KHSRP: variants seen among roughly 807,000 people sequenced by gnomAD.
KHSRP encodes the protein far upstream element-binding protein 2.
Under a neutral mutation model 94.9 loss-of-function variants are expected in KHSRP, and 13 were observed. The observed-to-expected ratio is 0.14, with a 90% confidence interval of 0.09 to 0.22. KHSRP has a LOEUF of 0.22. Among genes scored for constraint, KHSRP ranks in the 10% least tolerant of loss-of-function variants. The pLI is 1.00. For missense variants in KHSRP, 710 were observed against 1,010.0 expected (o/e 0.70, Z 4.03); for synonymous variants, 495 against 401.4 (o/e 1.23, Z -2.79).
chr19:6,415,546 A>T lies in KHSRP; in HGVS notation c.1876T>A (p.Tyr626Asn). 3 of 1,539,326 alleles carry T rather than the reference A, an allele frequency of 1.9e-6. No homozygotes were observed. Among genetic ancestry groups the T allele is most frequent in the Non-Finnish European group, 2.6e-6 (3 of 1,141,654 alleles). ...CCTGCAGACTCACCGATCTTTTTGT[A>T]ATACTCTTCCCAGGCCTTAGTGTAG... Reference protein sequence around the residue: ...SDYTKAWEEYYKKIGQQPQQP... With the variant: ...SDYTKAWEEYNKKIGQQPQQP... The change falls in exon 17 of 19, where the codon TAC (tyrosine) becomes AAC (asparagine). Residue 626 changes from tyrosine (Y) to asparagine (N), a missense_variant. By Grantham distance (143) the Tyr-to-Asn change is moderately radical. Coordinates refer to ENST00000600480, the MANE Select transcript of KHSRP (RefSeq NM_001366299.1).
rs776377016 is a variant in KHSRP, at chr19:6,416,781, G to A, written c.1284C>T (p.Thr428=). The A allele has an allele frequency of 5.0e-6, 8 of 1,590,452 alleles. No homozygotes were observed. Among genetic ancestry groups the A allele is most frequent in the Non-Finnish European group, 6.0e-6 (7 of 1,167,488 alleles). The part of the protein sequence containing the change: ...GNWGPPGGEM[T]FSIPTHKCGL... ...CACACTTGTGAGTGGGGATGGAGAAGGTCATCTCCCCGCCAGGGGGACCCC... is the reference window on the plus strand; with the variant it reads ...CACACTTGTGAGTGGGGATGGAGAAAGTCATCTCCCCGCCAGGGGGACCCC... The change falls in exon 13 of 19, where the codon ACC becomes ACT. Residue 428 remains threonine, a synonymous_variant. Coordinates refer to ENST00000600480, the MANE Select transcript of KHSRP (RefSeq NM_001366299.1).
chr19:6,419,986 A>C, intron 6 of KHSRP, 87 bp downstream of exon 6: 1 of 1,016,824 alleles, frequency 9.8e-7, no homozygotes, highest in Non-Finnish European at 1.5e-6. Context: ...TCCTGTCCAC[A>C]GTCCCCGTGG....
At chr19:6,416,676 G>A in intron 13 of KHSRP, 26 bp from the exon 14 acceptor site, 1 of 1,613,638 alleles carries the variant, frequency 6.2e-7, no homozygotes, top group South Asian at 1.1e-5. Flanking sequence ...AGGTGAAGGT[G>A]GCCTGCAGTG....
In KHSRP at chr19:6,414,860, G is replaced by A. The variant is rs1365761021; in HGVS notation, c.*164C>T. On this transcript the variant is annotated 3_prime_UTR_variant, in exon 19 of 19. Coordinates refer to ENST00000600480, the MANE Select transcript of KHSRP (RefSeq NM_001366299.1). ...GACTCCCCAGCAGTTCAGAAGTCCC[G>A]CCTGCGAGTCTCAGCGCTCCCCAGC... 3.0e-5 allele frequency: 39 copies of A among 1,297,146 alleles called. No homozygotes were observed. Among genetic ancestry groups the A allele is most frequent in the Non-Finnish European group, 3.7e-5 (38 of 1,023,178 alleles). 80.4% of individuals were successfully genotyped at this position (1,297,146 alleles called of 1,614,324 possible).
rs35757137 is a variant in KHSRP, at chr19:6,413,825, G to GTT, written c.*1197_*1198dup. 1.3e-3 allele frequency: 204 copies of GTT among 159,448 alleles called. No homozygotes were observed. The highest frequency in any genetic ancestry group is 6.9e-3 in the Middle Eastern group (3 of 434). The allele number at this position is 159,448 out of a possible 1,614,324, so 9.9% of individuals were successfully genotyped here. ...TGCTCTTTGTGTTTTTAATTTTTAA[G>GTT]TTTTTTTTTTTTTTTGGCAGAGATT... is the stretch of plus-strand genomic sequence containing the variant. On this transcript the variant is annotated 3_prime_UTR_variant, in exon 19 of 19. Coordinates refer to ENST00000600480, the MANE Select transcript of KHSRP (RefSeq NM_001366299.1).
Position 6,417,982 on chromosome 19 carries a change from T to C in KHSRP, c.977A>G (p.Asp326Gly). The C allele has an allele frequency of 6.2e-7, 1 of 1,613,714 alleles. No individual in the cohort carries two copies. Among genetic ancestry groups the C allele is most frequent in the Non-Finnish European group, 8.5e-7 (1 of 1,179,734 alleles). The change falls in exon 10 of 19, where the codon GAT (aspartate) becomes GGT (glycine). Residue 326 changes from aspartate to glycine, a missense_variant and splice_region_variant. Transcript: ENST00000600480. ...EYGSRIGGGI[D>G]VPVPRHSVGV... is the part of the protein sequence containing the mutation. The stretch of plus-strand genomic sequence containing the variant: ...GGTGAAGGCAGGGCCCACACTCACA[T>C]CGATGCCTCCGCCAATCCGAGATCC...
chr19:6,420,350 C>T (rs1336151041), intron 5 of KHSRP, 72 bp downstream of exon 5: 2 of 1,473,746 alleles, frequency 1.4e-6, no homozygotes, highest in East Asian at 4.6e-5. Flanking sequence ...GGCTTCTGGG[C>T]TGGCAGGAGC....
rs1005429386 is a variant in KHSRP, at chr19:6,420,218, C to G, written c.476-74G>C. The G allele has an allele frequency of 4.1e-5, 58 of 1,426,680 alleles. No homozygotes were observed. The African/African-American group carries it at 7.1e-4, about 17-fold the overall frequency. 88.4% of individuals were successfully genotyped at this position (1,426,680 alleles called of 1,614,324 possible). Reference sequence around the variant, plus strand: ...CCCAGGCCTCAGGAGACTGTGTGGCCGGGGCCCCAGCCCCTCTGACGTTCA... The same window carrying G: ...CCCAGGCCTCAGGAGACTGTGTGGCGGGGGCCCCAGCCCCTCTGACGTTCA... On this transcript the variant is annotated intron_variant, in intron 5 of 18. Coordinates refer to ENST00000600480, the MANE Select transcript of KHSRP (RefSeq NM_001366299.1).
At position 6,421,702 on chromosome 19, in the gene KHSRP, A is replaced by AGT. The variant is rs777767150; in HGVS notation, c.347-15_347-14insAC. On this transcript the variant is annotated splice_polypyrimidine_tract_variant and intron_variant, in intron 2 of 18. Coordinates refer to ENST00000600480, the MANE Select transcript of KHSRP (RefSeq NM_001366299.1). ...TCTCCGGTTGATCTGGGAAAGAGAG[A>AGT]GGATGGCAGATGCAGCACCCACCCA... is the stretch of plus-strand genomic sequence containing the variant. 5 of 1,613,690 alleles carry AGT rather than the reference A, an allele frequency of 3.1e-6. No homozygotes were observed. Among genetic ancestry groups the AGT allele is most frequent in the Non-Finnish European group, 4.2e-6 (5 of 1,179,806 alleles).
chr19:6,420,845 C>G (rs1038125949), intron 4 of KHSRP, among the ~76,000 whole-genome samples: 3 of 152,226 alleles, frequency 2.0e-5, no homozygotes, highest in African/African-American at 7.2e-5. Flanking sequence ...GACAACTGCC[C>G]TGTGTCAGGT....
At chr19:6,417,480 G>A (rs1367954695) in intron 11 of KHSRP, among the ~76,000 whole-genome samples, 1 of 152,216 alleles carries the variant, frequency 6.6e-6, no homozygotes, top group Non-Finnish European at 1.5e-5. Flanking sequence ...GGGCTGTCCT[G>A]TCAGGATAGG....
Position 6,413,149 on chromosome 19 carries a change from G to GT in KHSRP, c.*1874_*1875insA, listed in dbSNP as rs1278626285. ...TTATTTAACAAAAAAAAAAAAGGGG[G>GT]GGGGGCACGGTTAGGAAAGCACATT... On this transcript the variant is annotated 3_prime_UTR_variant, in exon 19 of 19. Transcript: ENST00000600480. 2.1e-5 allele frequency among the ~76,000 whole-genome samples: 3 copies of GT among 146,152 alleles called. No individual in the cohort carries two copies. In the East Asian group the frequency reaches 6.3e-4, roughly 31 times the overall value.
Position 6,420,513 on chromosome 19 carries a change from G to A in KHSRP, c.426-42C>T, listed in dbSNP as rs372413548. ...CAAAGGTCAGTCCTCAAGTGGGAAGGGAGGAGGACAGCAGCTCTGGAAGGT... is the reference window on the plus strand; with the variant it reads ...CAAAGGTCAGTCCTCAAGTGGGAAGAGAGGAGGACAGCAGCTCTGGAAGGT... On this transcript the variant is annotated intron_variant, in intron 4 of 18. Transcript: ENST00000600480. 7.1e-5 allele frequency: 112 copies of A among 1,584,330 alleles called. 1 individual carries two copies. In the Middle Eastern group the frequency reaches 1.0e-3, roughly 14 times the overall value.
In KHSRP at chr19:6,418,376, G is replaced by A. The variant is rs1014018976; in HGVS notation, c.879+107C>T. 3 of 808,156 alleles carry A rather than the reference G, an allele frequency of 3.7e-6. No individual in the cohort carries two copies. Among genetic ancestry groups the A allele is most frequent in the Admixed American group, 2.2e-5 (1 of 45,964 alleles). The allele number at this position is 808,156 out of a possible 1,614,324, so 50.1% of individuals were successfully genotyped here. ...TTGCAAGCCTCTTGGTGTTATGACC[G>A]ACTGTTCACATATCTCTCTGGCGGA... On this transcript the variant is annotated intron_variant, in intron 9 of 18. Coordinates refer to ENST00000600480, the MANE Select transcript of KHSRP (RefSeq NM_001366299.1). This position sits in a 1 kb window ranked among gnomAD's most constrained non-coding sequence, Gnocchi z 4.3.
At chr19:6,419,091 G>A (rs2092177563) in intron 7 of KHSRP, 112 bp downstream of exon 7, 3 of 1,194,330 alleles carry the variant, frequency 2.5e-6, no homozygotes, top group East Asian at 2.6e-5. Flanking sequence ...TGGAGATGGG[G>A]GCAAGAATGG....
intron 11 of KHSRP, 26 bp downstream of exon 11, chr19:6,417,712 CA>C: frequency 6.3e-7 from 1 of 1,597,820 alleles, no homozygotes. Flanking sequence ...GTGCACTGGC[CA>C]GGGGCAGGGT....
chr19:6,423,614 C>T (rs749184307), intron 1 of KHSRP, among the ~76,000 whole-genome samples: 10 of 152,194 alleles, frequency 6.6e-5, no homozygotes, highest in African/African-American at 2.2e-4. Flanking sequence ...GTGAGAGAGA[C>T]GACAGAGGGC....
rs538795278 is a variant in KHSRP at position 6,416,194 on chromosome 19, G to GC, written c.1598+103dup. 58 of 926,064 alleles carry GC rather than the reference G, an allele frequency of 6.3e-5. No individual in the cohort carries two copies. In the African/African-American group the frequency reaches 7.7e-4, roughly 12 times the overall value. 57.4% of individuals were successfully genotyped at this position (926,064 alleles called of 1,614,324 possible). ...TATCCACAAAAATGGGCTGGATGAG[G>GC]CCCCCCGCCTGCACTTCTAGGGAAA... On this transcript the variant is annotated intron_variant, in intron 15 of 18. Transcript: ENST00000600480.
Position 6,416,609 on chromosome 19 carries a change from A to T in KHSRP, c.1369T>A (p.Phe457Ile). ...GGCAGCTGCCGGGAGATCTCTACGA[A>T]GGCTCCCGTCTGCTGGTTTATGGCT... ...VKAINQQTGAFVEISRQLPPN... is the reference protein window; with the variant it reads ...VKAINQQTGAIVEISRQLPPN... The change falls in exon 14 of 19, where the codon TTC becomes ATC. Residue 457 changes from phenylalanine to isoleucine, a missense_variant. By Grantham distance (21) the Phe-to-Ile change is conservative. Around this residue, in one of 5 missense-constraint regions of KHSRP, gnomAD observed 37 missense variants for 61.1 expected, o/e 0.61. Transcript: ENST00000600480. 1 of 1,613,850 alleles carries T rather than the reference A, an allele frequency of 6.2e-7. No homozygotes were observed. Among genetic ancestry groups the T allele is most frequent in the Non-Finnish European group, 8.5e-7 (1 of 1,179,798 alleles).
Sources: allele counts gnomAD v4.1 joint callset (sites outside exome capture counted in the v4.1 genomes callset), GRCh38; gene constraint gnomAD v4.1.1; regional missense constraint gnomAD v4.1.1; non-coding constraint Gnocchi (gnomAD v3.1); transcripts MANE v1.5; gene names NCBI Gene and HGNC (gene_info 2026-07-23, HGNC 2026-07-21).